CELF4: variants seen among roughly 807,000 people sequenced by gnomAD.
CELF4 encodes CUGBP Elav-like family member 4.
In CELF4, 18 loss-of-function variants were observed where a neutral mutation model predicts 59.9. The ratio of observed to expected loss-of-function variants is 0.30; its 90% CI spans 0.21 to 0.45. The LOEUF is 0.45. CELF4 is among the 20% of genes least tolerant of loss of function. CELF4 has a pLI of 1.00. For missense variants in CELF4, 456 were observed against 689.0 expected (o/e 0.66, Z 3.79); for synonymous variants, 261 against 267.1 (o/e 0.98, Z 0.22).
intron 1 of CELF4, among the ~76,000 whole-genome samples, chr18:37,494,632 G>A (rs1253207867): frequency 6.6e-6 from 1 of 152,208 alleles, no homozygotes; most frequent in Non-Finnish European, 1.5e-5. Context: ...GGGATGGGGT[G>A]CGTATCGTCG....
chr18:37,378,639 A>G (rs928692551), intron 2 of CELF4, among the ~76,000 whole-genome samples: 4 of 152,156 alleles, frequency 2.6e-5, no homozygotes, highest in Non-Finnish European at 2.9e-5. Context: ...AGAAACCCCA[A>G]ATTAAAGGGA....
intron 1 of CELF4, among the ~76,000 whole-genome samples, chr18:37,560,897 A>T (rs1054695569): frequency 2.0e-5 from 3 of 152,260 alleles, no homozygotes; most frequent in African/African-American, 7.2e-5. Flanking sequence ...AAACACAAAT[A>T]CAAGACATAA....
chr18:37,489,766 C>T (rs1056096404), intron 1 of CELF4, among the ~76,000 whole-genome samples: 40 of 152,326 alleles, frequency 2.6e-4, no homozygotes, highest in African/African-American at 9.4e-4. Flanking sequence ...GAGCAGCTGC[C>T]TAACAACACA....
chr18:37,327,759 G>A (rs142817310), intron 2 of CELF4, among the ~76,000 whole-genome samples: 140 of 152,278 alleles, frequency 9.2e-4, no homozygotes, highest in African/African-American at 3.3e-3. Flanking sequence ...GCCCTCCTCA[G>A]AGCTGGCCTC....
intron 3 of CELF4, among the ~76,000 whole-genome samples, chr18:37,301,342 C>T (rs138280680): frequency 1.2e-3 from 187 of 152,278 alleles, no homozygotes; most frequent in African/African-American, 4.3e-3. Context: ...TTCTATCCTC[C>T]GCCAGACTGG....
intron 2 of CELF4, among the ~76,000 whole-genome samples, chr18:37,380,513 C>A (rs1432076261): frequency 1.3e-5 from 2 of 152,184 alleles, no homozygotes; most frequent in Non-Finnish European, 2.9e-5. Flanking sequence ...AATCCAGCAT[C>A]CATCCACCAT....
intron 3 of CELF4, among the ~76,000 whole-genome samples, chr18:37,314,410 G>A (rs2096787172): frequency 6.6e-6 from 1 of 152,118 alleles, no homozygotes; most frequent in Non-Finnish European, 1.5e-5. Flanking sequence ...AGCCTAGATA[G>A]CACCACTGCG....
At chr18:37,383,540 A>T (rs1343204434) in intron 2 of CELF4, among the ~76,000 whole-genome samples, 1 of 152,260 alleles carries the variant, frequency 6.6e-6, no homozygotes, top group African/African-American at 2.4e-5. Flanking sequence ...TATACATAAT[A>T]CTTAATTTCC....
intron 1 of CELF4, among the ~76,000 whole-genome samples, chr18:37,559,988 T>A (rs1226381147): frequency 1.3e-5 from 2 of 152,212 alleles, no homozygotes; most frequent in African/African-American, 4.8e-5. Context: ...ATGGCTATGA[T>A]TTCATTCAAG....
chr18:37,424,468 C>T (rs991583691), intron 2 of CELF4, among the ~76,000 whole-genome samples: 10 of 152,336 alleles, frequency 6.6e-5, no homozygotes, highest in African/African-American at 1.9e-4. Context: ...CCTTCCACCC[C>T]GTGTGGCCTT....
At chr18:37,522,600 T>C (rs76295339) in intron 1 of CELF4, among the ~76,000 whole-genome samples, 2,645 of 152,256 alleles carry the variant, frequency 0.017, 86 homozygotes, top group African/African-American at 0.06. Context: ...GTCACATTAA[T>C]AGACACGTTG....
Position 37,285,936 on chromosome 18 carries a change from C to T in CELF4, c.449-10693G>A, listed in dbSNP as rs549111912. On this transcript the variant is annotated intron_variant, in intron 3 of 12. Coordinates refer to ENST00000420428, the MANE Select transcript of CELF4 (RefSeq NM_020180.4). ...GAACTCTGTTGTCTAATGGGGTTTC[C>T]GCTGGCGTCTGGCACACTCTCCTGC... Among the ~76,000 whole-genome samples the T allele has an allele frequency of 1.6e-4, 25 of 152,312 alleles. 1 individual carries two copies. In the South Asian group the frequency reaches 5.0e-3, roughly 30 times the overall value.
At chr18:37,312,110 C>CAAAAAAAAAAAAAAAAAAAAAAA (rs59872500) in intron 3 of CELF4, among the ~76,000 whole-genome samples, 1 of 50,796 alleles carries the variant, frequency 2.0e-5, no homozygotes, top group African/African-American at 7.2e-5. Flanking sequence ...GATTCCGTCT[C>CAAAAAAAAAAAAAAAAAAAAAAA]AAAAAAAAAA....
chr18:37,254,248 C>T lies in CELF4; in HGVS notation c.1334-310G>A, dbSNP rs1372063788. 6.6e-6 allele frequency among the ~76,000 whole-genome samples: 1 copy of T among 151,490 alleles called. No homozygotes were observed. Among genetic ancestry groups the T allele is most frequent in the African/African-American group, 2.4e-5 (1 of 41,372 alleles). ...GGCGCTGGGAGAGGCGCCCGCCCCCCACCCCCGCCGGCCCCGGCACCTCAG... is the reference window on the plus strand; with the variant it reads ...GGCGCTGGGAGAGGCGCCCGCCCCCTACCCCCGCCGGCCCCGGCACCTCAG... On this transcript the variant is annotated intron_variant, in intron 11 of 12. Coordinates refer to ENST00000420428, the MANE Select transcript of CELF4 (RefSeq NM_020180.4). The surrounding 1 kb of genome is among the most constrained non-coding windows in gnomAD (Gnocchi z 5.1).
At chr18:37,503,893 A>G (rs1377647785) in intron 1 of CELF4, among the ~76,000 whole-genome samples, 1 of 151,948 alleles carries the variant, frequency 6.6e-6, no homozygotes, top group African/African-American at 2.4e-5. Context: ...TCCTTCCCTG[A>G]CCCCATCTGG....
chr18:37,288,470 G>A (rs2095029225), intron 3 of CELF4, among the ~76,000 whole-genome samples: 8 of 152,198 alleles, frequency 5.3e-5, no homozygotes. Context: ...TATGAAGTGG[G>A]CACCACTGTT....
chr18:37,275,486 G>C (rs1200873507), intron 3 of CELF4, among the ~76,000 whole-genome samples: 2 of 152,124 alleles, frequency 1.3e-5, no homozygotes, highest in African/African-American at 4.8e-5. Context: ...TGCGGAGAGA[G>C]CTGTGGCAGG....
rs1206764887 is a variant in CELF4, at chr18:37,253,324, C to T, written c.*44+443G>A. 1.3e-5 allele frequency among the ~76,000 whole-genome samples: 2 copies of T among 152,186 alleles called. No individual in the cohort carries two copies. The highest frequency in any genetic ancestry group is 6.5e-5 in the Admixed American group (1 of 15,282). On this transcript the variant is annotated intron_variant, in intron 12 of 12. Coordinates refer to ENST00000420428, the MANE Select transcript of CELF4 (RefSeq NM_020180.4). This position sits in a 1 kb window ranked among gnomAD's most constrained non-coding sequence, Gnocchi z 4.5. ...GGTCAAGTGTCTAAAGGCTACCAGC[C>T]CTCCTGGAAGAACTGGGGAGGAGAG...
At chr18:37,312,110 C>CAAAAAAAAAAAAAAAAAA (rs59872500) in intron 3 of CELF4, among the ~76,000 whole-genome samples, 16 of 50,638 alleles carry the variant, frequency 3.2e-4, no homozygotes, top group African/African-American at 4.3e-4. Flanking sequence ...GATTCCGTCT[C>CAAAAAAAAAAAAAAAAAA]AAAAAAAAAA....
Sources: gnomAD v4.1 joint callset for allele counts (sites outside exome capture counted in the v4.1 genomes callset) on GRCh38, gnomAD v4.1.1 for gene constraint, Gnocchi (gnomAD v3.1) non-coding constraint, MANE v1.5 for transcripts, NCBI Gene and HGNC (gene_info 2026-07-23, HGNC 2026-07-21) for gene names.